Variants in CACNA1C observed in about 807,000 individuals in gnomAD.
CACNA1C encodes voltage-dependent L-type calcium channel subunit alpha-1C.
In CACNA1C, 30 loss-of-function variants were observed where a neutral mutation model predicts 229.0. That is an observed-to-expected ratio of 0.13 (90% CI 0.10 to 0.18). The LOEUF (loss-of-function observed/expected upper bound fraction) is 0.18, where lower values mean the gene tolerates loss of function less well. Among genes scored for constraint, CACNA1C ranks in the 10% least tolerant of loss-of-function variants. CACNA1C has a pLI of 1.00. For missense variants in CACNA1C, 1,658 were observed against 2,845.0 expected (o/e 0.58, Z 9.49); for synonymous variants, 1,114 against 1,132.5 (o/e 0.98, Z 0.33).
At chr12:2,261,193 C>T (rs1566742183) in intron 3 of CACNA1C, among the ~76,000 whole-genome samples, 3 of 151,712 alleles carry the variant, frequency 2.0e-5, no homozygotes, top group Non-Finnish European at 1.5e-5. Context: ...GATAGTGCCA[C>T]TGCACTCCAG....
At chr12:2,626,594 C>G (rs1200064362) in intron 29 of CACNA1C, among the ~76,000 whole-genome samples, 1 of 152,196 alleles carries the variant, frequency 6.6e-6, no homozygotes, top group East Asian at 1.9e-4. Flanking sequence ...AGCCTTATCC[C>G]TCTCCAAGGA....
At chr12:2,669,337 T>A (rs2096422198) in intron 38 of CACNA1C, among the ~76,000 whole-genome samples, 1 of 62,446 alleles carries the variant, frequency 1.6e-5, no homozygotes, top group Non-Finnish European at 4.7e-5. Context: ...GCTGATGAAC[T>A]GAAAAAAAAA....
At position 2,467,333 on chromosome 12, in the gene CACNA1C, A is replaced by C. The variant is rs955155749; in HGVS notation, c.757+9627A>C. 2.0e-5 allele frequency among the ~76,000 whole-genome samples: 3 copies of C among 152,240 alleles called. No homozygotes were observed. The highest frequency in any genetic ancestry group is 1.9e-4 in the East Asian group (1 of 5,178). On this transcript the variant is annotated intron_variant, in intron 5 of 46. Coordinates refer to ENST00000399655, the MANE Select transcript of CACNA1C (RefSeq NM_000719.7). This position sits in a 1 kb window ranked among gnomAD's most constrained non-coding sequence, Gnocchi z 4.6. ...AGAGGAGCCCTGAGGCCAGAGGGCC[A>C]CATGGCTTCCTTAAGGTCACAGAGT...
chr12:2,437,089 C>T (rs973873739), intron 3 of CACNA1C, among the ~76,000 whole-genome samples: 7 of 152,236 alleles, frequency 4.6e-5, no homozygotes, highest in African/African-American at 1.4e-4. Context: ...GCCACACTGG[C>T]AGGGTTGGGT....
At chr12:2,333,137 G>A (rs2096596992) in intron 3 of CACNA1C, among the ~76,000 whole-genome samples, 1 of 152,192 alleles carries the variant, frequency 6.6e-6, no homozygotes, top group Admixed American at 6.5e-5. Flanking sequence ...GTGACAACGT[G>A]GAGTGTGGCA....
In CACNA1C at chr12:2,585,860, A is replaced by T. The variant is rs773015884; in HGVS notation, c.2486A>T (p.Asn829Ile). ...TKINMDDLQP[N>I]ENEDKSPYPN... ...ATCAACATGGATGACCTCCAGCCCA[A>T]TGAAAATGAGGATAAGAGCCCCTAC... Residue 829 changes from asparagine to isoleucine, a missense_variant, in exon 18 of 47, where the codon AAT becomes ATT. This residue lies in a region of CACNA1C where 121 missense variants were observed against 128.8 expected (regional missense o/e 0.94). Coordinates refer to ENST00000399655, the MANE Select transcript of CACNA1C (RefSeq NM_000719.7). The surrounding 1 kb of genome is among the most constrained non-coding windows in gnomAD (Gnocchi z 4.1). 2 of 1,609,326 alleles carry T rather than the reference A, an allele frequency of 1.2e-6. No individual in the cohort carries two copies. The highest frequency in any genetic ancestry group is 1.7e-6 in the Non-Finnish European group (2 of 1,177,686).
At chr12:2,533,941 A>G (rs1372478853) in intron 9 of CACNA1C, among the ~76,000 whole-genome samples, 1 of 152,190 alleles carries the variant, frequency 6.6e-6, no homozygotes, top group Non-Finnish European at 1.5e-5. Context: ...CTCCTAATGA[A>G]CGAGCAAAGA....
intron 10 of CACNA1C, among the ~76,000 whole-genome samples, chr12:2,553,889 A>G (rs2042662202): frequency 6.6e-6 from 1 of 152,222 alleles, no homozygotes; most frequent in African/African-American, 2.4e-5. Context: ...AAGCAATTCT[A>G]TGCCGTGCAA....
intron 1 of CACNA1C, among the ~76,000 whole-genome samples, chr12:2,061,744 G>T (rs1467552440): frequency 6.6e-6 from 1 of 152,230 alleles, no homozygotes; most frequent in African/African-American, 2.4e-5. Flanking sequence ...AGGGCAGGAA[G>T]AACACCACCT....
chr12:2,146,925 G>A lies in CACNA1C; in HGVS notation c.477+26495G>A, dbSNP rs77575358. Among the ~76,000 whole-genome samples the A allele has an allele frequency of 5.0e-3, 752 of 151,200 alleles. 14 individuals carry two copies. Among genetic ancestry groups the A allele is most frequent in the African/African-American group, 0.017 (712 of 41,460 alleles). ...GGACCCAAGCAGGGCTGAGTTAGGG[G>A]AAGCAGGGAAGAGAGGGGAAGGACA... On this transcript the variant is annotated intron_variant, in intron 3 of 46. Transcript: ENST00000399655.
chr12:2,077,569 T>C (rs2063682167), intron 1 of CACNA1C, among the ~76,000 whole-genome samples: 1 of 152,126 alleles, frequency 6.6e-6, no homozygotes, highest in Admixed American at 6.5e-5. Flanking sequence ...GTTGTAGATA[T>C]GAGTGTGAAC....
intron 4 of CACNA1C, among the ~76,000 whole-genome samples, chr12:2,452,978 G>T (rs768851422): frequency 7.9e-5 from 12 of 152,176 alleles, no homozygotes; most frequent in Admixed American, 7.2e-4. Flanking sequence ...GGCAACTTCT[G>T]CCTGGGATTC....
intron 3 of CACNA1C, among the ~76,000 whole-genome samples, chr12:2,314,826 G>A (rs1239258967): frequency 6.6e-6 from 1 of 152,094 alleles, no homozygotes; most frequent in Non-Finnish European, 1.5e-5. Flanking sequence ...TTAATTACCT[G>A]TAATGCCTAG....
intron 1 of CACNA1C, among the ~76,000 whole-genome samples, chr12:2,039,464 GCAAT>G (rs1247174390): frequency 3.9e-5 from 6 of 152,192 alleles, no homozygotes; most frequent in African/African-American, 1.4e-4. Flanking sequence ...GATAGATAGA[GCAAT>G]CATTCATTTA....
chr12:2,392,036 T>C (rs184605527), intron 3 of CACNA1C, among the ~76,000 whole-genome samples: 8 of 152,342 alleles, frequency 5.3e-5, no homozygotes, highest in Non-Finnish European at 8.8e-5. Flanking sequence ...TTCTGCCTTT[T>C]GGAACTTAGT....
chr12:2,385,243 C>T (rs903210591), intron 3 of CACNA1C, among the ~76,000 whole-genome samples: 4 of 152,160 alleles, frequency 2.6e-5, no homozygotes, highest in Admixed American at 1.3e-4. Context: ...CTTGAGCTCC[C>T]TGGCTTTATA....
At chr12:2,369,853 A>G (rs1335727850) in intron 3 of CACNA1C, among the ~76,000 whole-genome samples, 4 of 152,256 alleles carry the variant, frequency 2.6e-5, no homozygotes, top group Admixed American at 2.0e-4. Context: ...AAAGTAATGG[A>G]GGAAGGCACA....
chr12:2,230,454 C>T (rs773346560), intron 3 of CACNA1C, among the ~76,000 whole-genome samples: 55 of 152,358 alleles, frequency 3.6e-4, no homozygotes, highest in African/African-American at 1.3e-3. Flanking sequence ...AGTGCGACCC[C>T]TCAGGAAGAG....
intron 3 of CACNA1C, among the ~76,000 whole-genome samples, chr12:2,273,706 T>G (rs1446152934): frequency 2.0e-5 from 3 of 152,180 alleles, no homozygotes; most frequent in African/African-American, 7.2e-5. Context: ...TTTGCACGAT[T>G]TCCTATGGGC....
Sources: allele counts gnomAD v4.1 joint callset (sites outside exome capture counted in the v4.1 genomes callset), GRCh38; gene constraint gnomAD v4.1.1; regional missense constraint gnomAD v4.1.1; non-coding constraint Gnocchi (gnomAD v3.1); transcripts MANE v1.5; gene names NCBI Gene and HGNC (gene_info 2026-07-23, HGNC 2026-07-21).